NTM: variants seen among roughly 807,000 people sequenced by gnomAD.
The protein encoded by NTM is IgLON family member 2.
NTM carries 13 observed loss-of-function variants against 42.1 expected under a neutral mutation model. The ratio of observed to expected loss-of-function variants is 0.31; its 90% CI spans 0.20 to 0.49. The LOEUF is 0.49. Ranked by LOEUF, NTM falls within the 20% of genes least tolerant of loss-of-function variation. The pLI, the probability that NTM is intolerant of heterozygous loss-of-function variation, is 0.99. For missense variants in NTM, 373 were observed against 452.8 expected, an observed-to-expected ratio of 0.82 and a Z score of 1.60; for synonymous variants, 187 against 179.2, an observed-to-expected ratio of 1.04 and a Z score of -0.35.
intron 1 of NTM, among the ~76,000 whole-genome samples, chr11:131,598,724 TTTCTTTC>T (rs2060070426): frequency 1.1e-5 from 1 of 91,432 alleles, no homozygotes; most frequent in African/African-American, 4.0e-5. Flanking sequence ...TCTTTCTTTC[TTTCTTTC>T]TTTCTTTCTT....
At chr11:131,683,285 G>A (rs1452304879) in intron 1 of NTM, among the ~76,000 whole-genome samples, 1 of 152,216 alleles carries the variant, frequency 6.6e-6, no homozygotes, top group Non-Finnish European at 1.5e-5. Context: ...GAAGTGAGGT[G>A]AGAAAGGGAC....
chr11:131,459,688 G>A (rs576457941), intron 1 of NTM, among the ~76,000 whole-genome samples: 31 of 152,280 alleles, frequency 2.0e-4, no homozygotes, highest in Middle Eastern at 3.4e-3. Flanking sequence ...CCTGGGTGGT[G>A]GGTGAATTTG....
At chr11:131,911,247 G>A in intron 1 of NTM, 1 of 1,415,940 alleles carries the variant, frequency 7.1e-7, no homozygotes, top group South Asian at 1.5e-5. Context: ...AGCCCCCTTT[G>A]GCCGTCCTCC....
At chr11:131,882,136 G>C (rs760405789) in intron 1 of NTM, among the ~76,000 whole-genome samples, 10 of 152,306 alleles carry the variant, frequency 6.6e-5, no homozygotes, top group Non-Finnish European at 1.2e-4. Flanking sequence ...GAATTATCTA[G>C]AGAATCAGAG....
At chr11:131,958,335 TG>T (rs2061775966) in intron 2 of NTM, among the ~76,000 whole-genome samples, 1 of 152,042 alleles carries the variant, frequency 6.6e-6, no homozygotes, top group East Asian at 1.9e-4. Flanking sequence ...TCAGGGGTTG[TG>T]GGAGAACAGA....
chr11:132,328,441 G>GA (rs148577961), intron 7 of NTM, among the ~76,000 whole-genome samples: 2 of 152,126 alleles, frequency 1.3e-5, no homozygotes, highest in Non-Finnish European at 1.5e-5. Context: ...TAGAGGAAGA[G>GA]AAAAAAACCC....
intron 1 of NTM, among the ~76,000 whole-genome samples, chr11:131,726,115 A>G (rs1015681277): frequency 6.6e-6 from 1 of 152,184 alleles, no homozygotes; most frequent in Non-Finnish European, 1.5e-5. Flanking sequence ...TGAACAGGAA[A>G]AAATTACATG....
intron 4 of NTM, among the ~76,000 whole-genome samples, chr11:132,283,228 A>C (rs940475307): frequency 2.0e-5 from 3 of 151,824 alleles, no homozygotes; most frequent in African/African-American, 7.3e-5. Context: ...ATCGTGATCC[A>C]CCTGCCTCAG....
At chr11:132,148,001 G>A (rs532962044) in intron 3 of NTM, among the ~76,000 whole-genome samples, 1 of 152,330 alleles carries the variant, frequency 6.6e-6, no homozygotes, top group East Asian at 1.9e-4. Context: ...AGAACAAGGT[G>A]ATGCTGGACC....
At chr11:131,384,626 TGTG>T (rs1943087551) in intron 1 of NTM, among the ~76,000 whole-genome samples, 1 of 151,668 alleles carries the variant, frequency 6.6e-6, no homozygotes. Flanking sequence ...AGAAGGAGGA[TGTG>T]GTGATGGCTG....
At chr11:132,044,223 C>A (rs1167937721) in intron 2 of NTM, among the ~76,000 whole-genome samples, 1 of 152,046 alleles carries the variant, frequency 6.6e-6, no homozygotes, top group Non-Finnish European at 1.5e-5. Context: ...GCACTACCTA[C>A]CACAAGGTCA....
intron 1 of NTM, among the ~76,000 whole-genome samples, chr11:131,832,432 A>G (rs914450506): frequency 3.9e-5 from 6 of 152,146 alleles, no homozygotes; most frequent in Non-Finnish European, 7.4e-5. Flanking sequence ...TTGTTCTTTG[A>G]TGGTAAAAAG....
chr11:132,086,631 C>T (rs2059750469), intron 2 of NTM, among the ~76,000 whole-genome samples: 1 of 152,186 alleles, frequency 6.6e-6, no homozygotes, highest in Admixed American at 6.5e-5. Context: ...TAAAAGCACA[C>T]CAGATTAGCT....
At chr11:132,256,677 G>T (rs1052803275) in intron 4 of NTM, among the ~76,000 whole-genome samples, 2 of 151,568 alleles carry the variant, frequency 1.3e-5, no homozygotes, top group Non-Finnish European at 2.9e-5. Context: ...GACTGGCAGG[G>T]CCTGTTCTCA....
At chr11:131,512,221 G>C (rs453024) in intron 1 of NTM, among the ~76,000 whole-genome samples, 1 of 152,150 alleles carries the variant, frequency 6.6e-6, no homozygotes, top group Non-Finnish European at 1.5e-5. Flanking sequence ...GCATGCACAC[G>C]GTGGCATGTA....
intron 2 of NTM, among the ~76,000 whole-genome samples, chr11:132,137,380 G>A (rs915846389): frequency 4.6e-5 from 7 of 152,230 alleles, no homozygotes; most frequent in Non-Finnish European, 1.0e-4. Context: ...ACAAGCTCAA[G>A]TGTGCTACCA....
chr11:131,506,880 C>G (rs58364412), intron 1 of NTM, among the ~76,000 whole-genome samples: 1 of 152,036 alleles, frequency 6.6e-6, no homozygotes, highest in Admixed American at 6.6e-5. Flanking sequence ...GAAAAACTCA[C>G]GGTAGATATT....
chr11:132,147,754 C>G (rs1013810390), intron 3 of NTM, among the ~76,000 whole-genome samples: 1 of 152,064 alleles, frequency 6.6e-6, no homozygotes, highest in Non-Finnish European at 1.5e-5. Flanking sequence ...AAACTCCTCT[C>G]CTAGGGGCTC....
intron 2 of NTM, among the ~76,000 whole-genome samples, chr11:131,933,433 G>A (rs943802104): frequency 8.5e-5 from 13 of 152,186 alleles, no homozygotes; most frequent in African/African-American, 2.6e-4. Context: ...TAGTTTCCCC[G>A]CCAAGGATTT....
Sources: allele counts gnomAD v4.1 joint callset (sites outside exome capture counted in the v4.1 genomes callset), GRCh38; gene constraint gnomAD v4.1.1; transcripts MANE v1.5; gene names NCBI Gene and HGNC (gene_info 2026-07-23, HGNC 2026-07-21).